Variants in OMD observed in about 807,000 individuals in gnomAD.
The protein encoded by OMD is KSPG osteomodulin.
In OMD, 19 loss-of-function variants were observed where a neutral mutation model predicts 31.2. That is an observed-to-expected ratio of 0.61 (90% CI 0.42 to 0.89). The LOEUF (loss-of-function observed/expected upper bound fraction) is 0.89, where lower values mean the gene tolerates loss of function less well. Among genes scored for constraint, OMD ranks in the 40% least tolerant of loss-of-function variants. The pLI is 0.00. For missense variants in OMD, 448 were observed against 490.8 expected, an observed-to-expected ratio of 0.91 and a Z score of 0.82; for synonymous variants, 155 against 166.4, an observed-to-expected ratio of 0.93 and a Z score of 0.53.
chr9:92,421,676 A>G (rs1472685365), intron 1 of OMD, among the ~76,000 whole-genome samples: 1 of 152,192 alleles, frequency 6.6e-6, no homozygotes, highest in Admixed American at 6.5e-5. Flanking sequence ...ACATCAGTTT[A>G]CCGTTGTCCT....
chr9:92,415,229 C>T lies in OMD; in HGVS notation c.1189G>A (p.Asp397Asn). Residue 397 changes from aspartate (D) to asparagine (N), a missense_variant, in exon 3 of 3, where the codon GAC becomes AAC. By Grantham distance (23) the Asp-to-Asn change is conservative. Coordinates refer to ENST00000375550, the MANE Select transcript of OMD (RefSeq NM_005014.3). Reference sequence around the variant, plus strand: ...TGTTCTGGGCTCTCATGAGCATTGTCAGGATCATCGTGATCTTCACTTTCA... The same window carrying T: ...TGTTCTGGGCTCTCATGAGCATTGTTAGGATCATCGTGATCTTCACTTTCA... ...DDESEDHDDP[D>N]NAHESPEQEG... 1 of 1,613,804 alleles carries T rather than the reference C, an allele frequency of 6.2e-7. No individual in the cohort carries two copies. Among genetic ancestry groups the T allele is most frequent in the Non-Finnish European group, 8.5e-7 (1 of 1,179,830 alleles).
Position 92,424,371 on chromosome 9 carries a change from T to C in OMD, c.-186A>G, listed in dbSNP as rs1588121377. The C allele has an allele frequency of 6.6e-6, 1 of 152,290 alleles. No individual in the cohort carries two copies. The highest frequency in any genetic ancestry group is 1.9e-4 in the East Asian group (1 of 5,192). The allele number at this position is 152,290 out of a possible 1,614,324, so 9.4% of individuals were successfully genotyped here. A position where few individuals can be genotyped will look rare whatever the true frequency, so the allele number is the denominator to read the frequency against. ...GCAATTTAAGCAAATACAATCTTCTTGGAAAACACTCGGGTTGAATTAAAA... is the reference window on the plus strand; with the variant it reads ...GCAATTTAAGCAAATACAATCTTCTCGGAAAACACTCGGGTTGAATTAAAA... On this transcript the variant is annotated 5_prime_UTR_variant, in exon 1 of 3. Transcript: ENST00000375550.
Position 92,415,289 on chromosome 9 carries a change from T to G in OMD, c.1129A>C (p.Thr377Pro). The G allele has an allele frequency of 1.9e-6, 3 of 1,613,810 alleles. No homozygotes were observed. The East Asian group carries it at 6.7e-5, about 36-fold the overall frequency. Residue 377 changes from threonine (T) to proline (P), a missense_variant, in exon 3 of 3, where the codon ACA (threonine) becomes CCA (proline). By Grantham distance (38) the Thr-to-Pro change is conservative. Transcript: ENST00000375550. ...STNGQTIQLK[T>P]QVFRRFPDDD... ...TCTGGAAATCTCCTGAAAACTTGTG[T>G]CTTTAGTTGTATTGTTTGACCATTA...
At chr9:92,416,068 A>T (rs1281314004) in intron 2 of OMD, among the ~76,000 whole-genome samples, 9 of 136,998 alleles carry the variant, frequency 6.6e-5, no homozygotes, top group South Asian at 2.4e-4. Context: ...GTATATATAT[A>T]TATTTATTTA....
Position 92,413,681 on chromosome 9 carries a change from T to A in OMD, c.*1471A>T, listed in dbSNP as rs777917772. Among the ~76,000 whole-genome samples, 1 of 152,192 alleles carries A rather than the reference T, an allele frequency of 6.6e-6. No individual in the cohort carries two copies. The highest frequency in any genetic ancestry group is 1.5e-5 in the Non-Finnish European group (1 of 68,034). On this transcript the variant is annotated 3_prime_UTR_variant, in exon 3 of 3. Transcript: ENST00000375550. The stretch of plus-strand genomic sequence containing the variant: ...CTTTGCCCATATTGTGGCATCATAG[T>A]TGCACATTGTACTTTGTTTATTGAT...
At position 92,422,276 on chromosome 9, in the gene OMD, A is replaced by T. The variant is rs1248309938; in HGVS notation, c.-17+1926T>A. 2.6e-5 allele frequency among the ~76,000 whole-genome samples: 4 copies of T among 151,902 alleles called. No individual in the cohort carries two copies. In the East Asian group the frequency reaches 7.7e-4, roughly 29 times the overall value. On this transcript the variant is annotated intron_variant, in intron 1 of 2. Coordinates refer to ENST00000375550, the MANE Select transcript of OMD (RefSeq NM_005014.3). ...GCCATGTTGGCCAGCCTGGTCTCGA[A>T]CTCCTGACCTCAGGTGATCCGCCCA...
rs528719903 is a variant in OMD, at chr9:92,414,218, T to C, written c.*934A>G. 13 of 179,486 alleles carry C rather than the reference T, an allele frequency of 7.2e-5. No individual in the cohort carries two copies. Among genetic ancestry groups the C allele is most frequent in the African/African-American group, 2.8e-4 (12 of 42,478 alleles). 11.1% of individuals were successfully genotyped at this position (179,486 alleles called of 1,614,324 possible). A position where few individuals can be genotyped will look rare whatever the true frequency, so the allele number is the denominator to read the frequency against. On this transcript the variant is annotated 3_prime_UTR_variant, in exon 3 of 3. Coordinates refer to ENST00000375550, the MANE Select transcript of OMD (RefSeq NM_005014.3). ...AGGAACTGTATTCAATTTTAGCTTATGTAGATATTGGCTGATAAGCATAAA... is the reference window on the plus strand; with the variant it reads ...AGGAACTGTATTCAATTTTAGCTTACGTAGATATTGGCTGATAAGCATAAA...
In OMD at chr9:92,416,480, G is replaced by A. The variant is rs368961122; in HGVS notation, c.940+139C>T. 1,006 of 574,004 alleles carry A rather than the reference G, an allele frequency of 1.8e-3. 5 individuals carry two copies. Among genetic ancestry groups the A allele is most frequent in the Middle Eastern group, 0.01 (22 of 2,170 alleles). The allele number at this position is 574,004 out of a possible 1,614,324, so 35.6% of individuals were successfully genotyped here. On this transcript the variant is annotated intron_variant, in intron 2 of 2. Transcript: ENST00000375550. ...GAATAGCACACATTTCTCTGGGGCA[G>A]ATTTCTGCCATTCCCTTAAGCAACT...
intron 1 of OMD, among the ~76,000 whole-genome samples, chr9:92,420,600 T>G (rs1269356344): frequency 6.6e-6 from 1 of 152,226 alleles, no homozygotes; most frequent in Non-Finnish European, 1.5e-5. Flanking sequence ...CTGAAGCCTC[T>G]AATACCTTAT....
intron 2 of OMD, among the ~76,000 whole-genome samples, 198 bp from the exon 3 acceptor site, chr9:92,415,675 T>C (rs925028884): frequency 6.7e-6 from 1 of 150,244 alleles, no homozygotes; most frequent in Non-Finnish European, 1.5e-5. Context: ...TAACAAAATA[T>C]ATATGGCTTC....
rs571656731 is a variant in OMD, at chr9:92,419,353, T to C, written c.-16-1779A>G. On this transcript the variant is annotated intron_variant, in intron 1 of 2. Coordinates refer to ENST00000375550, the MANE Select transcript of OMD (RefSeq NM_005014.3). Reference sequence around the variant, plus strand: ...TCTTGCTCTGTTGCCCAGACTGGAGTGCAGTGGTGCGATCTCGGCTCACTG... The same window carrying C: ...TCTTGCTCTGTTGCCCAGACTGGAGCGCAGTGGTGCGATCTCGGCTCACTG... Among the ~76,000 whole-genome samples, 342 of 144,490 alleles carry C rather than the reference T, an allele frequency of 2.4e-3. 5 individuals carry two copies. The highest frequency in any genetic ancestry group is 1.1e-3 in the Non-Finnish European group (71 of 67,116). The allele number at this position is 144,490 out of a possible 152,430, so 94.8% of individuals were successfully genotyped here.
At chr9:92,418,604 T>C (rs1398174351) in intron 1 of OMD, among the ~76,000 whole-genome samples, 2 of 152,224 alleles carry the variant, frequency 1.3e-5, no homozygotes, top group African/African-American at 2.4e-5. Context: ...CCTTTAATGA[T>C]GGTCACTGCC....
In OMD at chr9:92,415,103, T is replaced by C; in HGVS notation, c.*49A>G. The C allele has an allele frequency of 7.4e-7, 1 of 1,345,194 alleles. No homozygotes were observed. Among genetic ancestry groups the C allele is most frequent in the Non-Finnish European group, 1.0e-6 (1 of 980,324 alleles). The allele number at this position is 1,345,194 out of a possible 1,614,324, so 83.3% of individuals were successfully genotyped here. ...ACATGTTTACTTAGATTTACTATATTAAGTATAGGTTTTGTGAAGTCGTAA... is the reference window on the plus strand; with the variant it reads ...ACATGTTTACTTAGATTTACTATATCAAGTATAGGTTTTGTGAAGTCGTAA... On this transcript the variant is annotated 3_prime_UTR_variant, in exon 3 of 3. Transcript: ENST00000375550.
Position 92,415,294 on chromosome 9 carries a change from A to G in OMD, c.1124T>C (p.Leu375Pro). 3 of 1,613,634 alleles carry G rather than the reference A, an allele frequency of 1.9e-6. No individual in the cohort carries two copies. The highest frequency in any genetic ancestry group is 1.1e-5 in the South Asian group (1 of 91,072). Reference protein sequence around the residue: ...QRSTNGQTIQLKTQVFRRFPD... With the variant: ...QRSTNGQTIQPKTQVFRRFPD... ...AAATCTCCTGAAAACTTGTGTCTTT[A>G]GTTGTATTGTTTGACCATTAGTGCT... Residue 375 changes from leucine to proline, a missense_variant, in exon 3 of 3, where the codon CTA becomes CCA. Transcript: ENST00000375550.
chr9:92,419,554 C>T (rs1011374377), intron 1 of OMD, among the ~76,000 whole-genome samples: 1 of 152,158 alleles, frequency 6.6e-6, no homozygotes, highest in Non-Finnish European at 1.5e-5. Context: ...CCACCTTGGG[C>T]TCCCAAAGTG....
At chr9:92,421,162 C>T (rs1436856415) in intron 1 of OMD, among the ~76,000 whole-genome samples, 1 of 152,156 alleles carries the variant, frequency 6.6e-6, no homozygotes, top group Non-Finnish European at 1.5e-5. Flanking sequence ...ACTTCAGCCT[C>T]CTGAGTAGCT....
At chr9:92,419,733 A>G (rs1243332626) in intron 1 of OMD, among the ~76,000 whole-genome samples, 2 of 152,200 alleles carry the variant, frequency 1.3e-5, no homozygotes, top group Non-Finnish European at 2.9e-5. Context: ...AAAAGGTTTT[A>G]AAAAATCCTA....
chr9:92,421,996 A>G (rs1186843814), intron 1 of OMD, among the ~76,000 whole-genome samples: 1 of 151,882 alleles, frequency 6.6e-6, no homozygotes, highest in South Asian at 2.1e-4. Flanking sequence ...CTCATTGATG[A>G]TATTTTATGT....
chr9:92,413,781 A>G lies in OMD; in HGVS notation c.*1371T>C, dbSNP rs1413301409. Among the ~76,000 whole-genome samples the G allele has an allele frequency of 1.3e-5, 2 of 152,198 alleles. No homozygotes were observed. Among genetic ancestry groups the G allele is most frequent in the African/African-American group, 4.8e-5 (2 of 41,460 alleles). ...GACGAATGAATGGAGTTTTCTTCATATTCATCCTGGATTCTTGAGGTTGTC... is the reference window on the plus strand; with the variant it reads ...GACGAATGAATGGAGTTTTCTTCATGTTCATCCTGGATTCTTGAGGTTGTC... On this transcript the variant is annotated 3_prime_UTR_variant, in exon 3 of 3. Coordinates refer to ENST00000375550, the MANE Select transcript of OMD (RefSeq NM_005014.3).
Sources: gnomAD v4.1 joint callset for allele counts (sites outside exome capture counted in the v4.1 genomes callset) on GRCh38, gnomAD v4.1.1 for gene constraint, MANE v1.5 for transcripts, NCBI Gene and HGNC (gene_info 2026-07-23, HGNC 2026-07-21) for gene names.